Variants in FBXL7 observed in about 807,000 individuals in gnomAD.
FBXL7 encodes F-box and leucine rich repeat protein 7.
In FBXL7, 12 loss-of-function variants were observed where a neutral mutation model predicts 38.3. That is an observed-to-expected ratio of 0.31 (90% CI 0.20 to 0.51). The LOEUF (loss-of-function observed/expected upper bound fraction) is 0.51. Among genes scored for constraint, FBXL7 ranks in the 20% least tolerant of loss-of-function variants. FBXL7 has a pLI of 0.98. For missense variants in FBXL7, 567 were observed against 676.4 expected, an observed-to-expected ratio of 0.84 and a Z score of 1.79; for synonymous variants, 297 against 300.9, an observed-to-expected ratio of 0.99 and a Z score of 0.13.
intron 2 of FBXL7, among the ~76,000 whole-genome samples, chr5:15,686,855 G>T (rs1743030976): frequency 1.3e-5 from 2 of 152,190 alleles, no homozygotes; most frequent in African/African-American, 4.8e-5. Context: ...CAAGAAGTAT[G>T]CTGACCACCC....
intron 2 of FBXL7, among the ~76,000 whole-genome samples, chr5:15,688,953 T>C (rs553529185): frequency 3.1e-4 from 47 of 152,272 alleles, no homozygotes; most frequent in African/African-American, 1.1e-3. Flanking sequence ...TACTGGGTAA[T>C]TGGTTCAGAA....
intron 2 of FBXL7, among the ~76,000 whole-genome samples, chr5:15,832,732 A>T (rs1429138802): frequency 6.6e-6 from 1 of 152,174 alleles, no homozygotes; most frequent in African/African-American, 2.4e-5. Context: ...GCAGGTCGGG[A>T]TGATTGAGAC....
At chr5:15,535,230 G>T (rs112252262) in intron 1 of FBXL7, among the ~76,000 whole-genome samples, 1 of 152,088 alleles carries the variant, frequency 6.6e-6, no homozygotes, top group Non-Finnish European at 1.5e-5. Flanking sequence ...GAAAAAAAGC[G>T]AAATAATACA....
chr5:15,686,845 C>T (rs1743030557), intron 2 of FBXL7, among the ~76,000 whole-genome samples: 2 of 152,086 alleles, frequency 1.3e-5, no homozygotes, highest in Admixed American at 6.5e-5. Flanking sequence ...ACCACTGAGC[C>T]AAGAAGTATG....
At chr5:15,643,775 T>C (rs749299465) in intron 2 of FBXL7, among the ~76,000 whole-genome samples, 1 of 152,082 alleles carries the variant, frequency 6.6e-6, no homozygotes, top group Admixed American at 6.5e-5. Context: ...TTTGGGAACA[T>C]TGGAAAAAAG....
At chr5:15,838,676 T>C (rs75705072) in intron 2 of FBXL7, among the ~76,000 whole-genome samples, 5 of 152,206 alleles carry the variant, frequency 3.3e-5, no homozygotes, top group East Asian at 3.9e-4. Flanking sequence ...ACCTCCTCCT[T>C]CTTTTACCCT....
At chr5:15,637,563 G>A (rs1044298950) in intron 2 of FBXL7, among the ~76,000 whole-genome samples, 7 of 152,198 alleles carry the variant, frequency 4.6e-5, no homozygotes, top group Non-Finnish European at 8.8e-5. Flanking sequence ...ATGGCTTTAT[G>A]CGAAAGGCAT....
chr5:15,766,043 TCTACCTAC>T (rs140480289), intron 2 of FBXL7, among the ~76,000 whole-genome samples: 24 of 147,260 alleles, frequency 1.6e-4, no homozygotes, highest in Middle Eastern at 3.5e-3. Context: ...TGTCTGTCTA[TCTACCTAC>T]CTACCTACCT....
chr5:15,603,996 G>A (rs1350246136), intron 1 of FBXL7, among the ~76,000 whole-genome samples: 1 of 152,138 alleles, frequency 6.6e-6, no homozygotes, highest in Non-Finnish European at 1.5e-5. Flanking sequence ...AGTTAGCTGG[G>A]CATAAGGTGC....
intron 1 of FBXL7, among the ~76,000 whole-genome samples, chr5:15,542,929 T>C (rs1344998839): frequency 2.6e-5 from 4 of 152,106 alleles, no homozygotes; most frequent in African/African-American, 7.2e-5. Flanking sequence ...TAAAAGCAGG[T>C]TGGGGAATCA....
chr5:15,936,820 C>T lies in FBXL7; in HGVS notation c.1110C>T (p.Tyr370=), dbSNP rs757231634. 2 of 1,613,266 alleles carry T rather than the reference C, an allele frequency of 1.2e-6. No individual in the cohort carries two copies. The highest frequency in any genetic ancestry group is 2.2e-5 in the South Asian group (2 of 90,978). Residue 370 remains tyrosine, a synonymous_variant, in exon 4 of 4, where the codon TAC becomes TAT. Transcript: ENST00000504595. The surrounding 1 kb of genome is among the most constrained non-coding windows in gnomAD (Gnocchi z 6.0). ...CGRVTDVGIR[Y]VAKYCSKLRY... ...GGGTCACCGACGTGGGCATCCGCTA[C>T]GTGGCCAAGTACTGCAGCAAGCTGC...
At chr5:15,771,459 C>A (rs907025822) in intron 2 of FBXL7, among the ~76,000 whole-genome samples, 12 of 152,236 alleles carry the variant, frequency 7.9e-5, no homozygotes, top group African/African-American at 2.9e-4. Context: ...TTATTAAGTC[C>A]GTGGTGCCAT....
chr5:15,534,229 A>G (rs919551514), intron 1 of FBXL7, among the ~76,000 whole-genome samples: 10 of 152,182 alleles, frequency 6.6e-5, no homozygotes, highest in African/African-American at 2.4e-4. Flanking sequence ...GGTGATATAC[A>G]TTCTATGGGT....
At chr5:15,677,422 G>A (rs1171341003) in intron 2 of FBXL7, among the ~76,000 whole-genome samples, 1 of 151,108 alleles carries the variant, frequency 6.6e-6, no homozygotes, top group African/African-American at 2.4e-5. Flanking sequence ...AGCCAAGATC[G>A]CACCATTGCA....
chr5:15,822,277 G>A (rs936369639), intron 2 of FBXL7, among the ~76,000 whole-genome samples: 1 of 151,656 alleles, frequency 6.6e-6, no homozygotes, highest in African/African-American at 2.4e-5. Flanking sequence ...CAGGAGAATC[G>A]CTTGAACCCA....
At chr5:15,517,595 A>G (rs1736978820) in intron 1 of FBXL7, among the ~76,000 whole-genome samples, 1 of 152,188 alleles carries the variant, frequency 6.6e-6, no homozygotes, top group Non-Finnish European at 1.5e-5. Flanking sequence ...AGAGGCAGAC[A>G]GGTTCAAGTG....
intron 2 of FBXL7, among the ~76,000 whole-genome samples, chr5:15,924,261 G>A (rs1415860597): frequency 2.6e-5 from 4 of 152,096 alleles, no homozygotes; most frequent in African/African-American, 9.7e-5. Flanking sequence ...TATACCACCT[G>A]GAACAGAAAA....
At chr5:15,581,221 T>A (rs764151266) in intron 1 of FBXL7, among the ~76,000 whole-genome samples, 2 of 152,208 alleles carry the variant, frequency 1.3e-5, no homozygotes, top group Non-Finnish European at 2.9e-5. Context: ...ATTCTCCTAC[T>A]GGCAGATTTA....
intron 2 of FBXL7, among the ~76,000 whole-genome samples, chr5:15,858,414 G>A (rs1739336024): frequency 6.6e-6 from 1 of 151,882 alleles, no homozygotes; most frequent in Admixed American, 6.6e-5. Flanking sequence ...GTATTCATTG[G>A]ATGAAAAAAA....
Sources: allele counts gnomAD v4.1 joint callset (sites outside exome capture counted in the v4.1 genomes callset), GRCh38; gene constraint gnomAD v4.1.1; non-coding constraint Gnocchi (gnomAD v3.1); transcripts MANE v1.5; gene names NCBI Gene and HGNC (gene_info 2026-07-23, HGNC 2026-07-21).